HIRA: variants seen among roughly 807,000 people sequenced by gnomAD.
The protein encoded by HIRA is histone cell cycle regulator, also known as protein HIRA.
HIRA carries 13 observed loss-of-function variants against 126.6 expected under a neutral mutation model. That is an observed-to-expected ratio of 0.10 (90% CI 0.07 to 0.16). HIRA has a LOEUF of 0.16. HIRA is among the 10% of genes least tolerant of loss of function. HIRA has a pLI of 1.00. For synonymous variants in HIRA, 511 were observed against 520.0 expected (o/e 0.98, Z 0.24); for missense variants, 834 against 1,314.4 (o/e 0.63, Z 5.65).
At chr22:19,414,841 C>T (rs761344233) in intron 1 of HIRA, among the ~76,000 whole-genome samples, 3 of 151,928 alleles carry the variant, frequency 2.0e-5, no homozygotes, top group Admixed American at 6.5e-5. Context: ...GACCAACAGG[C>T]GCACCATTGC....
chr22:19,353,637 C>A, intron 22 of HIRA, 118 bp from the exon 23 acceptor site: 1 of 1,035,406 alleles, frequency 9.7e-7, no homozygotes, highest in South Asian at 1.7e-5. Context: ...GCTGCCAAGG[C>A]CTCCCGTCCA....
At chr22:19,418,489 CATG>C (rs1391821279) in intron 1 of HIRA, among the ~76,000 whole-genome samples, 2 of 151,592 alleles carry the variant, frequency 1.3e-5, no homozygotes, top group Non-Finnish European at 2.9e-5. Flanking sequence ...AATTGCCAGG[CATG>C]GTGGTGGCAG....
At chr22:19,383,506 T>C in intron 13 of HIRA, 114 bp downstream of exon 13, 1 of 828,362 alleles carries the variant, frequency 1.2e-6, no homozygotes, top group South Asian at 1.5e-5. Flanking sequence ...TTCCATGTTC[T>C]ACCAGTCAGG....
chr22:19,394,196 A>G, intron 8 of HIRA, 146 bp downstream of exon 8: 1 of 954,130 alleles, frequency 1.0e-6, no homozygotes, highest in African/African-American at 1.7e-5. Context: ...GTTCACATGT[A>G]AAGTTTGCCA....
At position 19,356,220 on chromosome 22, in the gene HIRA, C is replaced by A. The variant is rs782137649; in HGVS notation, c.2455+10G>T. ...CCAAAAGAGTAGGGACAGCCTGTTG[C>A]CTGCATTACCTGCCAGGATGGAGTG... On this transcript the variant is annotated intron_variant, in intron 20 of 24. Transcript: ENST00000263208. 3 of 1,612,806 alleles carry A rather than the reference C, an allele frequency of 1.9e-6. No individual in the cohort carries two copies. In the Admixed American group the frequency reaches 5.0e-5, roughly 27 times the overall value.
chr22:19,408,452 G>T, intron 3 of HIRA, 31 bp downstream of exon 3: 1 of 1,403,788 alleles, frequency 7.1e-7, no homozygotes, highest in Non-Finnish European at 1.0e-6. Flanking sequence ...CTGCCAACAC[G>T]CAAAGCCTGC....
chr22:19,425,409 C>T (rs2089481211), intron 1 of HIRA, among the ~76,000 whole-genome samples: 1 of 152,128 alleles, frequency 6.6e-6, no homozygotes, highest in African/African-American at 2.4e-5. Context: ...ACAGAACATG[C>T]TAGCAACCTC....
chr22:19,364,151 TAA>T (rs1213360494), intron 15 of HIRA, among the ~76,000 whole-genome samples: 1 of 147,888 alleles, frequency 6.8e-6, no homozygotes, highest in African/African-American at 2.5e-5. Context: ...CTCTAACAAA[TAA>T]AGTCTATTAA....
In HIRA at chr22:19,331,417, C is replaced by A. The variant is rs782401987; in HGVS notation, c.*23G>T. ...CGAGAGTGTGGCCCTGCCCTTGCTG[C>A]AGCCAGGGCAGGCTGGGGCAGGCTA... On this transcript the variant is annotated 3_prime_UTR_variant, in exon 25 of 25. Coordinates refer to ENST00000263208, the MANE Select transcript of HIRA (RefSeq NM_003325.4). 6.2e-7 allele frequency: 1 copy of A among 1,613,600 alleles called. No individual in the cohort carries two copies. The highest frequency in any genetic ancestry group is 1.3e-5 in the African/African-American group (1 of 75,064).
chr22:19,431,639 T>C lies in HIRA; in HGVS notation c.-163A>G, dbSNP rs1051537867. The C allele has an allele frequency of 1.5e-6, 1 of 650,072 alleles. No individual in the cohort carries two copies. The highest frequency in any genetic ancestry group is 2.0e-6 in the Non-Finnish European group (1 of 504,602). 40.3% of individuals were successfully genotyped at this position (650,072 alleles called of 1,614,324 possible). A position where few individuals can be genotyped will look rare whatever the true frequency, so the allele number is the denominator to read the frequency against. On this transcript the variant is annotated 5_prime_UTR_variant, in exon 1 of 25. Coordinates refer to ENST00000263208, the MANE Select transcript of HIRA (RefSeq NM_003325.4). ...GCGCCATCGCCGGCCCGCGCCCCCCTCCGCCGCCACAGCCGCCACCCGCGC... is the reference window on the plus strand; with the variant it reads ...GCGCCATCGCCGGCCCGCGCCCCCCCCCGCCGCCACAGCCGCCACCCGCGC...
At chr22:19,349,398 C>T (rs907116002) in intron 24 of HIRA, among the ~76,000 whole-genome samples, 8 of 152,218 alleles carry the variant, frequency 5.3e-5, no homozygotes, top group African/African-American at 7.2e-5. Context: ...CCACTGTGCC[C>T]GGCGATACAG....
chr22:19,383,847 A>G (rs1037127955), intron 12 of HIRA, 142 bp from the exon 13 acceptor site: 2 of 641,968 alleles, frequency 3.1e-6, no homozygotes, highest in Non-Finnish European at 5.5e-6. Flanking sequence ...TAAGTATGCA[A>G]TATCATATTG....
intron 11 of HIRA, among the ~76,000 whole-genome samples, 192 bp downstream of exon 11, chr22:19,387,519 T>C (rs935262001): frequency 2.6e-5 from 4 of 152,190 alleles, no homozygotes; most frequent in Non-Finnish European, 5.9e-5. Flanking sequence ...ATTTCTGAAA[T>C]GGGGACTCGT....
chr22:19,384,541 G>A (rs1662502299), intron 12 of HIRA, among the ~76,000 whole-genome samples: 1 of 152,012 alleles, frequency 6.6e-6, no homozygotes, highest in Non-Finnish European at 1.5e-5. Context: ...ACAAGCAGTG[G>A]GTACATGCCA....
chr22:19,425,940 G>A (rs1041038443), intron 1 of HIRA, among the ~76,000 whole-genome samples: 2 of 152,214 alleles, frequency 1.3e-5, no homozygotes, highest in Non-Finnish European at 2.9e-5. Flanking sequence ...GAACCCGGGA[G>A]GTGGAGGTTG....
chr22:19,370,242 C>T (rs1207564386), intron 15 of HIRA, among the ~76,000 whole-genome samples: 3 of 152,082 alleles, frequency 2.0e-5, no homozygotes, highest in Non-Finnish European at 4.4e-5. Flanking sequence ...CCACGCCTGG[C>T]CTGTTTTGTT....
intron 1 of HIRA, among the ~76,000 whole-genome samples, chr22:19,415,199 A>T (rs1285697704): frequency 1.3e-5 from 2 of 152,212 alleles, no homozygotes; most frequent in Non-Finnish European, 2.9e-5. Context: ...AATTCCACAG[A>T]AAAACTATTA....
chr22:19,383,406 T>G (rs1328694505), intron 13 of HIRA, among the ~76,000 whole-genome samples: 1 of 152,148 alleles, frequency 6.6e-6, no homozygotes, highest in East Asian at 1.9e-4. Flanking sequence ...GCCTTAGCAC[T>G]CCCACCCCTC....
intron 9 of HIRA, among the ~76,000 whole-genome samples, chr22:19,390,837 T>C (rs1569304609): frequency 6.6e-6 from 1 of 152,046 alleles, no homozygotes; most frequent in Non-Finnish European, 1.5e-5. Context: ...TTAGCTGTGG[T>C]AGAAACTGCC....
Sources: gnomAD v4.1 joint callset for allele counts (sites outside exome capture counted in the v4.1 genomes callset) on GRCh38, gnomAD v4.1.1 for gene constraint, MANE v1.5 for transcripts, NCBI Gene and HGNC (gene_info 2026-07-23, HGNC 2026-07-21) for gene names.